Variants in SOX6 observed in about 807,000 individuals in gnomAD.
The protein encoded by SOX6 is transcription factor SOX-6.
In SOX6, 11 loss-of-function variants were observed where a neutral mutation model predicts 97.8. The observed-to-expected ratio is 0.11, with a 90% CI of 0.07 to 0.19. The LOEUF is 0.19. Ranked by LOEUF, SOX6 falls within the 10% of genes least tolerant of loss-of-function variation. The pLI is 1.00. For missense variants in SOX6, 810 were observed against 1,039.5 expected (o/e 0.78, Z 3.04); for synonymous variants, 360 against 371.4 (o/e 0.97, Z 0.35).
chr11:16,246,890 T>C (rs1427394387), intron 3 of SOX6, among the ~76,000 whole-genome samples: 1 of 152,192 alleles, frequency 6.6e-6, no homozygotes, highest in South Asian at 2.1e-4. Context: ...ACCTTAAGTA[T>C]TTGCCATTTC....
At chr11:16,241,378 T>C (rs955286732) in intron 3 of SOX6, among the ~76,000 whole-genome samples, 2 of 152,210 alleles carry the variant, frequency 1.3e-5, no homozygotes, top group African/African-American at 4.8e-5. Flanking sequence ...CATTAGAAAC[T>C]ATGGCTGTCC....
intron 12 of SOX6, among the ~76,000 whole-genome samples, chr11:16,032,099 A>G (rs1165470244): frequency 6.6e-6 from 1 of 152,206 alleles, no homozygotes; most frequent in Admixed American, 6.5e-5. Flanking sequence ...TACTTCTTCC[A>G]AAGTCTGGGC....
At chr11:16,719,636 A>T (rs1848244536) in intron 2 of SOX6, among the ~76,000 whole-genome samples, 1 of 152,214 alleles carries the variant, frequency 6.6e-6, no homozygotes, top group Non-Finnish European at 1.5e-5. Context: ...CAGAAACTTC[A>T]CACCAGGCCA....
chr11:16,411,525 A>T lies in SOX6; in HGVS notation c.-5+64790T>A, dbSNP rs143293368. The stretch of plus-strand genomic sequence containing the variant: ...CATCTTTTAATTTCATGGATTAAAA[A>T]AAACAGGATATTATTTTAATGTTGG... On this transcript the variant is annotated intron_variant, in intron 1 of 15. Coordinates refer to the SOX6 transcript ENST00000396356. 6.2e-3 allele frequency among the ~76,000 whole-genome samples: 940 copies of T among 152,272 alleles called. 9 individuals are homozygous for T. The highest frequency in any genetic ancestry group is 0.022 in the African/African-American group (898 of 41,536).
At chr11:16,368,646 C>T (rs1411414245) in intron 1 of SOX6, among the ~76,000 whole-genome samples, 2 of 151,976 alleles carry the variant, frequency 1.3e-5, no homozygotes, top group African/African-American at 4.8e-5. Flanking sequence ...ATCTATAAAA[C>T]TCAGATAAGA....
chr11:16,698,550 C>T (rs1848070351), intron 3 of SOX6, among the ~76,000 whole-genome samples: 1 of 152,218 alleles, frequency 6.6e-6, no homozygotes, highest in Non-Finnish European at 1.5e-5. Context: ...CCTTCAGGAA[C>T]TTGCCCTTTT....
At chr11:16,552,659 G>A (rs962315973) in intron 4 of SOX6, among the ~76,000 whole-genome samples, 20 of 152,256 alleles carry the variant, frequency 1.3e-4, no homozygotes, top group Middle Eastern at 3.4e-3. Flanking sequence ...GCCTAATCCT[G>A]GGAGTTACAG....
intron 3 of SOX6, among the ~76,000 whole-genome samples, chr11:16,625,018 A>G (rs906184066): frequency 5.3e-5 from 8 of 152,192 alleles, no homozygotes; most frequent in African/African-American, 1.9e-4. Flanking sequence ...ATAATTCTGA[A>G]TACAAGACCT....
At chr11:16,280,626 A>G (rs535525454) in intron 3 of SOX6, among the ~76,000 whole-genome samples, 5 of 152,224 alleles carry the variant, frequency 3.3e-5, no homozygotes, top group African/African-American at 1.2e-4. Flanking sequence ...CAAAACAATG[A>G]CTTCTTAAAA....
chr11:16,369,392 C>T (rs1257035016), intron 1 of SOX6, among the ~76,000 whole-genome samples: 1 of 152,066 alleles, frequency 6.6e-6, no homozygotes, highest in Non-Finnish European at 1.5e-5. Context: ...AAACTCCTAA[C>T]ATACTATATA....
chr11:16,721,638 T>TCTCC (rs1344600683), intron 2 of SOX6, among the ~76,000 whole-genome samples: 1 of 130,416 alleles, frequency 7.7e-6, no homozygotes, highest in African/African-American at 2.9e-5. Context: ...TCTCTCTCTC[T>TCTCC]CTCTCTCTCT....
intron 4 of SOX6, among the ~76,000 whole-genome samples, chr11:16,502,575 C>A (rs781023081): frequency 6.6e-6 from 1 of 151,572 alleles, no homozygotes; most frequent in Non-Finnish European, 1.5e-5. Flanking sequence ...ATAAAAAATA[C>A]ATTTGAAAGC....
At chr11:16,444,232 T>TA (rs1310881165) in intron 1 of SOX6, among the ~76,000 whole-genome samples, 1 of 152,168 alleles carries the variant, frequency 6.6e-6, no homozygotes, top group Admixed American at 6.5e-5. Context: ...ACGAATGTGT[T>TA]AAAAAATGGT....
intron 3 of SOX6, among the ~76,000 whole-genome samples, chr11:16,658,277 G>A (rs1021746266): frequency 6.6e-6 from 1 of 152,004 alleles, no homozygotes; most frequent in Admixed American, 6.6e-5. Context: ...ATGGTTATAT[G>A]CCACACATAT....
At position 16,287,521 on chromosome 11, in the gene SOX6, T is replaced by C. The variant is rs1029032410; in HGVS notation, c.445+30925A>G. On this transcript the variant is annotated intron_variant, in intron 3 of 15. Transcript: ENST00000683767. ...GTGCTTACCATGTTGAACGGAAACATAGAAGAATAGAAAAAACACTGAAAT... is the reference window on the plus strand; with the variant it reads ...GTGCTTACCATGTTGAACGGAAACACAGAAGAATAGAAAAAACACTGAAAT... Among the ~76,000 whole-genome samples the C allele has an allele frequency of 2.9e-4, 44 of 152,106 alleles. No individual in the cohort carries two copies. The East Asian group carries it at 6.8e-3, about 23-fold the overall frequency.
At chr11:16,624,178 T>TTA (rs769151995) in intron 3 of SOX6, among the ~76,000 whole-genome samples, 1 of 108,914 alleles carries the variant, frequency 9.2e-6, no homozygotes, top group Non-Finnish European at 1.8e-5. Context: ...GATTTTTATT[T>TTA]TTTTATTTTA....
chr11:16,697,174 T>C (rs969263098), intron 3 of SOX6, among the ~76,000 whole-genome samples: 16 of 152,192 alleles, frequency 1.1e-4, no homozygotes, highest in Admixed American at 8.5e-4. Flanking sequence ...TCTTGCTGCT[T>C]CCATATCTAC....
At chr11:16,511,319 T>C (rs1228235054) in intron 4 of SOX6, among the ~76,000 whole-genome samples, 1 of 152,134 alleles carries the variant, frequency 6.6e-6, no homozygotes, top group Non-Finnish European at 1.5e-5. Context: ...TAGAGTGTCA[T>C]CCTCAGAAAC....
At chr11:16,594,488 A>C (rs1200894166) in intron 4 of SOX6, among the ~76,000 whole-genome samples, 9 of 152,042 alleles carry the variant, frequency 5.9e-5, no homozygotes, top group African/African-American at 2.2e-4. Flanking sequence ...TTCATTGTGC[A>C]TTGTTATAGT....
Sources: gnomAD v4.1 joint callset for allele counts (sites outside exome capture counted in the v4.1 genomes callset) on GRCh38, gnomAD v4.1.1 for gene constraint, MANE v1.5 for transcripts, NCBI Gene and HGNC (gene_info 2026-07-23, HGNC 2026-07-21) for gene names.